Variants in ERC1 observed in about 807,000 individuals in gnomAD.
The protein encoded by ERC1 is ELKS/RAB6-interacting/CAST family member 1, also known as RAB6 interacting protein 2.
In ERC1, 56 loss-of-function variants were observed where a neutral mutation model predicts 132.0. That is an observed-to-expected ratio of 0.42 (90% CI 0.34 to 0.53). The LOEUF is 0.53. Ranked by LOEUF, ERC1 falls within the 20% of genes least tolerant of loss-of-function variation. The pLI, the probability that ERC1 is intolerant of heterozygous loss-of-function variation, is 0.03. For synonymous variants in ERC1, 478 were observed against 476.1 expected, an observed-to-expected ratio of 1.00 and a Z score of -0.05; for missense variants, 1,202 against 1,349.9, an observed-to-expected ratio of 0.89 and a Z score of 1.72.
At chr12:1,275,971 T>C (rs2078232437) in intron 14 of ERC1, among the ~76,000 whole-genome samples, 1 of 152,182 alleles carries the variant, frequency 6.6e-6, no homozygotes, top group South Asian at 2.1e-4. Flanking sequence ...TTCTTTATAA[T>C]ATTATTCAGT....
chr12:1,394,054 A>C (rs1369026974), intron 16 of ERC1, among the ~76,000 whole-genome samples: 3 of 133,932 alleles, frequency 2.2e-5, no homozygotes, highest in Non-Finnish European at 4.8e-5. Context: ...ACCACAAAGC[A>C]TTAAGCAATT....
intron 15 of ERC1, among the ~76,000 whole-genome samples, chr12:1,366,783 C>A (rs2086700599): frequency 6.6e-6 from 1 of 152,096 alleles, no homozygotes; most frequent in African/African-American, 2.4e-5. Context: ...TGTTGTCAGC[C>A]TGTGGATCCA....
chr12:1,423,612 T>A lies in ERC1; in HGVS notation c.3024+15365T>A, dbSNP rs145875904. Among the ~76,000 whole-genome samples the A allele has an allele frequency of 1.4e-3, 216 of 152,304 alleles. 1 individual carries two copies. Among genetic ancestry groups the A allele is most frequent in the South Asian group, 3.1e-3 (15 of 4,830 alleles). On this transcript the variant is annotated intron_variant, in intron 17 of 18. Transcript: ENST00000360905. ...CAGGTGGTTGATAGAGTCTGTCAGA[T>A]CCTCCCTGTCTTCACTGAATTTTTG...
chr12:1,334,432 G>A (rs1366525342), intron 15 of ERC1, among the ~76,000 whole-genome samples: 2 of 152,206 alleles, frequency 1.3e-5, no homozygotes, highest in Non-Finnish European at 2.9e-5. Flanking sequence ...AAGGGATCCA[G>A]TTTCAATCTT....
At chr12:1,213,428 C>T (rs1958061787) in intron 12 of ERC1, among the ~76,000 whole-genome samples, 1 of 152,038 alleles carries the variant, frequency 6.6e-6, no homozygotes, top group South Asian at 2.1e-4. Flanking sequence ...AGAGTCGAAA[C>T]TTGCTTTCAG....
chr12:1,467,701 A>C (rs751569897), intron 18 of ERC1, among the ~76,000 whole-genome samples: 1 of 152,228 alleles, frequency 6.6e-6, no homozygotes, highest in Non-Finnish European at 1.5e-5. Context: ...ATATATAATG[A>C]AATAATTATA....
Position 1,091,352 on chromosome 12 carries a change from C to T in ERC1, c.1086+7772C>T, listed in dbSNP as rs115729900. Among the ~76,000 whole-genome samples the T allele has an allele frequency of 4.8e-3, 725 of 152,260 alleles. 3 individuals carry two copies. The highest frequency in any genetic ancestry group is 0.016 in the African/African-American group (667 of 41,548). ...GGGTAAGTGTCCTTTAGTAGGTACC[C>T]TTTCAGTGGAGATCTGAAGAGAAGA... On this transcript the variant is annotated intron_variant, in intron 3 of 18. Transcript: ENST00000360905.
intron 1 of ERC1, among the ~76,000 whole-genome samples, chr12:1,017,214 C>A (rs1039872397): frequency 2.6e-5 from 4 of 152,130 alleles, no homozygotes; most frequent in African/African-American, 7.2e-5. Flanking sequence ...TCAGGCTGAT[C>A]TCAAACTCCT....
At chr12:1,386,677 A>T (rs1403340182) in intron 16 of ERC1, 1 of 121,810 alleles carries the variant, frequency 8.2e-6, no homozygotes, top group African/African-American at 2.8e-5. Context: ...ATTAAAAAGT[A>T]CACATGTCTA....
At chr12:1,059,689 C>G (rs1973648933) in intron 2 of ERC1, among the ~76,000 whole-genome samples, 1 of 152,052 alleles carries the variant, frequency 6.6e-6, no homozygotes, top group African/African-American at 2.4e-5. Context: ...ATAAATCCCA[C>G]TTTGTCTTGG....
In ERC1 at chr12:1,179,568, C is replaced by G. The variant is rs533386672; in HGVS notation, c.1738-972C>G. On this transcript the variant is annotated intron_variant, in intron 8 of 18. Transcript: ENST00000360905. Reference sequence around the variant, plus strand: ...TGTCGCCCAGGCTGGAGTGCAGTGGCGGGATCTCGGCTCACTGCAGGCTCC... The same window carrying G: ...TGTCGCCCAGGCTGGAGTGCAGTGGGGGGATCTCGGCTCACTGCAGGCTCC... Among the ~76,000 whole-genome samples, 13 of 130,934 alleles carry G rather than the reference C, an allele frequency of 9.9e-5. No individual in the cohort carries two copies. In the East Asian group the frequency reaches 3.0e-3, roughly 30 times the overall value. The allele number at this position is 130,934 out of a possible 152,430, so 85.9% of individuals were successfully genotyped here. A position where few individuals can be genotyped will look rare whatever the true frequency, so the allele number is the denominator to read the frequency against.
In ERC1 at chr12:1,115,968, C is replaced by T; in HGVS notation, c.1504C>T (p.His502Tyr). 1.2e-6 allele frequency: 2 copies of T among 1,614,076 alleles called. No individual in the cohort carries two copies. Among genetic ancestry groups the T allele is most frequent in the Non-Finnish European group, 1.7e-6 (2 of 1,179,956 alleles). Residue 502 changes from histidine (H) to tyrosine (Y), a missense_variant, in exon 7 of 19, where the codon CAC (histidine) becomes TAC (tyrosine). Physicochemically the swap from His to Tyr is moderately conservative, Grantham distance 83. Coordinates refer to ENST00000360905, the MANE Select transcript of ERC1 (RefSeq NM_178040.4). ...LTNQFSDSKQ[H>Y]IEVLKESLTA... ...AAACCAGTTCTCAGATAGTAAACAG[C>T]ACATTGAAGTGTTGAAGGAGTCCTT...
intron 18 of ERC1, among the ~76,000 whole-genome samples, chr12:1,487,822 G>GAAAA (rs1555132988): frequency 6.7e-6 from 1 of 148,704 alleles, no homozygotes; most frequent in African/African-American, 2.5e-5. Flanking sequence ...GAGAGAGAGA[G>GAAAA]AGAAAGAAAA....
intron 15 of ERC1, among the ~76,000 whole-genome samples, chr12:1,344,391 G>A (rs1436363565): frequency 6.6e-6 from 1 of 152,130 alleles, no homozygotes; most frequent in African/African-American, 2.4e-5. Flanking sequence ...TTAACACAGT[G>A]TTCTCTTTGC....
chr12:1,064,537 A>G (rs1938703806), intron 2 of ERC1, among the ~76,000 whole-genome samples: 2 of 152,162 alleles, frequency 1.3e-5, no homozygotes, highest in African/African-American at 4.8e-5. Flanking sequence ...GACTACAGCT[A>G]AAAGATTGGC....
chr12:1,380,558 T>C (rs1285424154), intron 16 of ERC1: 1 of 152,288 alleles, frequency 6.6e-6, no homozygotes, highest in African/African-American at 2.4e-5. Flanking sequence ...GGGACTCTTG[T>C]GAATGAACAC....
intron 12 of ERC1, among the ~76,000 whole-genome samples, chr12:1,206,086 T>C (rs561012008): frequency 4.6e-5 from 7 of 152,282 alleles, no homozygotes; most frequent in African/African-American, 1.4e-4. Context: ...AAGTTTATTT[T>C]CCAAGGAATA....
At chr12:1,366,580 A>T (rs1218357805) in intron 15 of ERC1, among the ~76,000 whole-genome samples, 6 of 152,228 alleles carry the variant, frequency 3.9e-5, no homozygotes, top group Non-Finnish European at 7.3e-5. Flanking sequence ...GGGTTAAAAA[A>T]TTGTAGGTGA....
At chr12:1,368,967 A>G (rs1315679376) in intron 15 of ERC1, among the ~76,000 whole-genome samples, 1 of 152,152 alleles carries the variant, frequency 6.6e-6, no homozygotes, top group African/African-American at 2.4e-5. Flanking sequence ...AGACATGATG[A>G]TCTGTTAGGG....
Sources: gnomAD v4.1 joint callset for allele counts (sites outside exome capture counted in the v4.1 genomes callset) on GRCh38, gnomAD v4.1.1 for gene constraint, MANE v1.5 for transcripts, NCBI Gene and HGNC (gene_info 2026-07-23, HGNC 2026-07-21) for gene names.